WWOX: variants seen among roughly 807,000 people sequenced by gnomAD.
The protein encoded by WWOX is WW domain containing oxidoreductase, also known as WW domain-containing oxidoreductase.
Under a neutral mutation model 46.2 loss-of-function variants are expected in WWOX, and 69 were observed. The ratio of observed to expected loss-of-function variants is 1.49; its 90% confidence interval spans 1.23 to 1.82. The LOEUF (loss-of-function observed/expected upper bound fraction) is 1.82, where lower values mean the gene tolerates loss of function less well. Ranked by LOEUF, WWOX falls within the 40% of genes most tolerant of loss-of-function variation. The pLI is 0.00. For synonymous variants in WWOX, 359 were observed against 202.6 expected (o/e 1.77, Z -6.56); for missense variants, 919 against 542.6 (o/e 1.69, Z -6.89).
At chr16:78,251,684 T>C (rs2037988400) in intron 5 of WWOX, among the ~76,000 whole-genome samples, 1 of 152,224 alleles carries the variant, frequency 6.6e-6, no homozygotes, top group South Asian at 2.1e-4. Flanking sequence ...TGGGAACACA[T>C]GGTGTCCTTG....
intron 8 of WWOX, among the ~76,000 whole-genome samples, chr16:78,969,550 T>G (rs66481374): frequency 0.047 from 7,184 of 152,196 alleles, 219 homozygotes; most frequent in Non-Finnish European, 0.073. Context: ...GGATGACAGG[T>G]GTGAGCCACC....
At chr16:78,729,222 G>C (rs1303650815) in intron 8 of WWOX, among the ~76,000 whole-genome samples, 1 of 151,762 alleles carries the variant, frequency 6.6e-6, no homozygotes, top group Admixed American at 6.6e-5. Context: ...CATGCCTGTT[G>C]TCCCAGCTAT....
Position 79,212,008 on chromosome 16 carries a change from G to T in WWOX, c.*212G>T. 6.5e-7 allele frequency: 1 copy of T among 1,536,260 alleles called. No homozygotes were observed. The highest frequency in any genetic ancestry group is 8.7e-7 in the Non-Finnish European group (1 of 1,146,920). On this transcript the variant is annotated 3_prime_UTR_variant, in exon 9 of 9. Coordinates refer to ENST00000566780, the MANE Select transcript of WWOX (RefSeq NM_016373.4). Reference sequence around the variant, plus strand: ...TATCACTTTTCTGGGGCTGGGCTAGGCATAGGTCTCTTTGCTTTCTGGTGG... The same window carrying T: ...TATCACTTTTCTGGGGCTGGGCTAGTCATAGGTCTCTTTGCTTTCTGGTGG...
intron 8 of WWOX, among the ~76,000 whole-genome samples, chr16:79,023,553 A>T (rs1210901126): frequency 6.6e-6 from 1 of 152,146 alleles, no homozygotes; most frequent in Non-Finnish European, 1.5e-5. Context: ...GAGGACAGTG[A>T]CCATCCACCA....
chr16:78,711,693 C>T (rs8060202), intron 8 of WWOX, among the ~76,000 whole-genome samples: 96,774 of 151,954 alleles, frequency 0.64, 31,880 homozygotes, highest in African/African-American at 0.82. Flanking sequence ...CATAAGGGGA[C>T]GCAGCACAGT....
intron 8 of WWOX, among the ~76,000 whole-genome samples, chr16:79,092,061 G>A (rs1295896941): frequency 6.6e-6 from 1 of 152,052 alleles, no homozygotes; most frequent in Admixed American, 6.5e-5. Flanking sequence ...GATTACAGGT[G>A]TGAGCCACCG....
intron 8 of WWOX, among the ~76,000 whole-genome samples, chr16:78,560,142 A>T (rs987969343): frequency 1.1e-4 from 16 of 152,206 alleles, no homozygotes; most frequent in African/African-American, 3.9e-4. Flanking sequence ...TATACAAAAA[A>T]TATGCATAGT....
intron 8 of WWOX, among the ~76,000 whole-genome samples, chr16:78,840,383 G>T (rs2052105516): frequency 6.6e-6 from 1 of 152,124 alleles, no homozygotes; most frequent in South Asian, 2.1e-4. Context: ...GTACGTCTGT[G>T]GTTGACAAAT....
chr16:78,344,240 T>C (rs13335341), intron 5 of WWOX, among the ~76,000 whole-genome samples: 26,576 of 119,436 alleles, frequency 0.22, 8,457 homozygotes, highest in African/African-American at 0.37. Flanking sequence ...ATAAATATGC[T>C]GGGCCCAGAG....
At chr16:79,094,080 AG>A (rs1210691782) in intron 8 of WWOX, among the ~76,000 whole-genome samples, 6 of 152,154 alleles carry the variant, frequency 3.9e-5, no homozygotes, top group Non-Finnish European at 8.8e-5. Context: ...GTGCCCACCT[AG>A]CACTCATCCC....
intron 8 of WWOX, among the ~76,000 whole-genome samples, chr16:78,927,924 C>T (rs939247648): frequency 1.3e-5 from 2 of 152,076 alleles, no homozygotes; most frequent in Admixed American, 6.6e-5. Flanking sequence ...ATTCCTTTTG[C>T]TTAAGTTTGC....
intron 8 of WWOX, among the ~76,000 whole-genome samples, chr16:79,142,013 A>G (rs1329907468): frequency 6.6e-6 from 1 of 152,224 alleles, no homozygotes; most frequent in African/African-American, 2.4e-5. Context: ...AGAAAAGAGC[A>G]GTAAGGACAG....
At position 78,996,815 on chromosome 16, in the gene WWOX, T is replaced by C. The variant is rs1189989186; in HGVS notation, c.1057-214793T>C. On this transcript the variant is annotated intron_variant, in intron 8 of 8. Coordinates refer to ENST00000566780, the MANE Select transcript of WWOX (RefSeq NM_016373.4). Reference sequence around the variant, plus strand: ...GAAAACACCCAAAGTAGGCACTGTTTATAGAGCCATCGCTTGCAGAACATC... The same window carrying C: ...GAAAACACCCAAAGTAGGCACTGTTCATAGAGCCATCGCTTGCAGAACATC... Among the ~76,000 whole-genome samples the C allele has an allele frequency of 3.3e-5, 5 of 152,174 alleles. No individual in the cohort carries two copies. In the East Asian group the frequency reaches 7.7e-4, roughly 24 times the overall value.
intron 6 of WWOX, among the ~76,000 whole-genome samples, chr16:78,406,327 TATATATATATATATATATATATATA>T (rs2082538842): frequency 1.2e-5 from 1 of 86,170 alleles, no homozygotes; most frequent in African/African-American, 1.3e-4. Context: ...TATATATATA[TATATATATATATATATATATATATA>T]TATTTTATTA....
chr16:78,465,952 G>A (rs776065715), intron 8 of WWOX, among the ~76,000 whole-genome samples: 16 of 152,154 alleles, frequency 1.1e-4, no homozygotes, highest in Non-Finnish European at 2.1e-4. Flanking sequence ...CATAAAGACA[G>A]AATACGCATC....
intron 5 of WWOX, among the ~76,000 whole-genome samples, chr16:78,259,216 T>C (rs1286770477): frequency 6.6e-6 from 1 of 152,188 alleles, no homozygotes; most frequent in Admixed American, 6.5e-5. Context: ...AATGGGACAA[T>C]TGGCAAAACT....
chr16:79,107,882 G>T (rs1218175936), intron 8 of WWOX, among the ~76,000 whole-genome samples: 1 of 152,182 alleles, frequency 6.6e-6, no homozygotes, highest in African/African-American at 2.4e-5. Context: ...ACAGTTATAG[G>T]ATGAAGTGTC....
At chr16:78,384,456 T>G (rs2082019521) in intron 5 of WWOX, among the ~76,000 whole-genome samples, 1 of 152,142 alleles carries the variant, frequency 6.6e-6, no homozygotes, top group African/African-American at 2.4e-5. Flanking sequence ...CAGATAAATA[T>G]CAGTTACTCA....
In WWOX at chr16:78,245,166, C is replaced by G. The variant is rs1320801394; in HGVS notation, c.516+80877C>G. Among the ~76,000 whole-genome samples, 66 of 152,182 alleles carry G rather than the reference C, an allele frequency of 4.3e-4. 2 individuals carry two copies. Among genetic ancestry groups the G allele is most frequent in the Admixed American group, 4.3e-3 (66 of 15,272 alleles). ...CCATATGGATAATAGTTTCTTTTCTCTCTTAACATTTTAAAAGCATGCCTC... is the reference window on the plus strand; with the variant it reads ...CCATATGGATAATAGTTTCTTTTCTGTCTTAACATTTTAAAAGCATGCCTC... On this transcript the variant is annotated intron_variant, in intron 5 of 8. Coordinates refer to ENST00000566780, the MANE Select transcript of WWOX (RefSeq NM_016373.4).
Sources: allele counts gnomAD v4.1 joint callset (sites outside exome capture counted in the v4.1 genomes callset), GRCh38; gene constraint gnomAD v4.1.1; transcripts MANE v1.5; gene names NCBI Gene and HGNC (gene_info 2026-07-23, HGNC 2026-07-21).